Variants in PPP4R3A observed in about 807,000 individuals in gnomAD.
PPP4R3A encodes the protein protein phosphatase 4 regulatory subunit 3A.
Under a neutral mutation model 91.7 loss-of-function variants are expected in PPP4R3A, and 15 were observed. That is an observed-to-expected ratio of 0.16 (90% CI 0.11 to 0.25). The LOEUF is 0.25. Among genes scored for constraint, PPP4R3A ranks in the 10% least tolerant of loss-of-function variants. PPP4R3A has a pLI of 1.00. For synonymous variants in PPP4R3A, 377 were observed against 348.7 expected (o/e 1.08, Z -0.91); for missense variants, 623 against 998.4 (o/e 0.62, Z 5.07).
intron 4 of PPP4R3A, among the ~76,000 whole-genome samples, chr14:91,479,312 GTGT>G (rs1889401778): frequency 6.6e-6 from 1 of 151,640 alleles, no homozygotes. Context: ...GTGTGTGTGT[GTGT>G]GTGTGTGTGT....
chr14:91,498,773 G>T (rs1053682249), intron 1 of PPP4R3A, among the ~76,000 whole-genome samples: 2 of 151,930 alleles, frequency 1.3e-5, no homozygotes, highest in Non-Finnish European at 2.9e-5. Flanking sequence ...AATTAGCCAG[G>T]CGTGGTGGTG....
In PPP4R3A at chr14:91,458,265, A is replaced by G. The variant is rs1313542363; in HGVS notation, c.*494T>C. ...AACTTTATACTCGCCCCTCCCCCAC[A>G]GAGGTTTTCCAAACCTGTTGTAGCT... On this transcript the variant is annotated 3_prime_UTR_variant, in exon 15 of 15. Coordinates refer to ENST00000554943, the MANE Select transcript of PPP4R3A (RefSeq NM_001366432.2). 3 of 159,574 alleles carry G rather than the reference A, an allele frequency of 1.9e-5. No homozygotes were observed. Among genetic ancestry groups the G allele is most frequent in the Non-Finnish European group, 4.1e-5 (3 of 72,538 alleles). 9.9% of individuals were successfully genotyped at this position (159,574 alleles called of 1,614,324 possible). A position where few individuals can be genotyped will look rare whatever the true frequency, so the allele number is the denominator to read the frequency against.
At chr14:91,489,057 G>A (rs1295153802) in intron 2 of PPP4R3A, among the ~76,000 whole-genome samples, 5 of 152,036 alleles carry the variant, frequency 3.3e-5, no homozygotes, top group African/African-American at 1.2e-4. Context: ...GCAGGTACCC[G>A]CCACCACGCC....
At chr14:91,459,004 A>G in intron 14 of PPP4R3A, 135 bp from the exon 15 acceptor site, 1 of 957,880 alleles carries the variant, frequency 1.0e-6, no homozygotes. Flanking sequence ...GGACTGTGTT[A>G]AACTTCAATT....
chr14:91,480,478 C>A (rs1889490622), intron 4 of PPP4R3A, among the ~76,000 whole-genome samples: 1 of 152,204 alleles, frequency 6.6e-6, no homozygotes, highest in African/African-American at 2.4e-5. Context: ...AATTTGCCTC[C>A]TCTGCTACAT....
chr14:91,487,830 C>T (rs777723469), intron 2 of PPP4R3A, among the ~76,000 whole-genome samples: 10 of 152,216 alleles, frequency 6.6e-5, no homozygotes, highest in Non-Finnish European at 1.5e-4. Context: ...GGTCCTTCCA[C>T]CTCAGCCTCC....
At chr14:91,473,397 G>T in intron 7 of PPP4R3A, 27 bp from the exon 8 acceptor site, 1 of 1,599,210 alleles carries the variant, frequency 6.3e-7, no homozygotes, top group Non-Finnish European at 8.5e-7. Flanking sequence ...ACATACTCAG[G>T]ATCACTTATT....
rs1284477170 is a variant in PPP4R3A, at chr14:91,509,683, G to A, written c.-36C>T. 3.2e-6 allele frequency: 5 copies of A among 1,583,850 alleles called. No individual in the cohort carries two copies. The South Asian group carries it at 4.5e-5, about 14-fold the overall frequency. ...GGGAACCGGGGCGGGGGCCCCGCCA[G>A]TAGACGCCCAGGAAAGGGGCCCTGG... On this transcript the variant is annotated 5_prime_UTR_variant, in exon 1 of 15. Coordinates refer to ENST00000554943, the MANE Select transcript of PPP4R3A (RefSeq NM_001366432.2).
rs529051400 is a variant in PPP4R3A, at chr14:91,509,118, C to G, written c.142+388G>C. Among the ~76,000 whole-genome samples the G allele has an allele frequency of 8.9e-4, 136 of 152,346 alleles. 1 individual carries two copies. Among genetic ancestry groups the G allele is most frequent in the South Asian group, 2.9e-3 (14 of 4,830 alleles). ...CTTAGCTCCAAGCAAAGTTTCATGC[C>G]TGCTTTACAGATGGGTGAACTAAGG... On this transcript the variant is annotated intron_variant, in intron 1 of 14. Transcript: ENST00000554943.
intron 14 of PPP4R3A, 42 bp from the exon 15 acceptor site, chr14:91,458,911 CAT>C (rs767033318): frequency 1.2e-5 from 18 of 1,531,532 alleles, no homozygotes; most frequent in Admixed American, 4.3e-5. Context: ...GAAAATAAAA[CAT>C]ATAAAAACAC....
chr14:91,472,896 G>GACT (rs1396100156), intron 9 of PPP4R3A, 137 bp downstream of exon 9: 4 of 722,602 alleles, frequency 5.5e-6, no homozygotes, highest in Non-Finnish European at 7.0e-6. Context: ...AACTTTTAAA[G>GACT]ACTACTACTT....
intron 12 of PPP4R3A, 55 bp downstream of exon 12, chr14:91,462,680 C>T (rs1888233345): frequency 9.4e-6 from 15 of 1,588,232 alleles, no homozygotes; most frequent in Middle Eastern, 1.7e-4. Flanking sequence ...AACAATAAAG[C>T]CACTACCATA....
Position 91,476,940 on chromosome 14 carries a change from T to C in PPP4R3A, c.962A>G (p.Glu321Gly). The change falls in exon 5 of 15, where the codon GAA becomes GGA. Residue 321 changes from glutamate (E) to glycine (G), a missense_variant. Glu to Gly is a moderately conservative substitution (Grantham distance 98). Transcript: ENST00000554943. ...CTGTCTTTTTTCCTCATCTGTTGCT[T>C]CATCTGTTAGTTGTGCAAACAAATC... Reference protein sequence around the residue: ...LTDLFAQLTDEATDEEKRQEL... With the variant: ...LTDLFAQLTDGATDEEKRQEL... 1 of 1,602,346 alleles carries C rather than the reference T, an allele frequency of 6.2e-7. No individual in the cohort carries two copies. Among genetic ancestry groups the C allele is most frequent in the East Asian group, 2.2e-5 (1 of 44,678 alleles).
In PPP4R3A at chr14:91,474,936, G is replaced by C. The variant is rs1341181099; in HGVS notation, c.1266+875C>G. The stretch of plus-strand genomic sequence containing the variant: ...CTATAAAAATAAAAACTTAAACATA[G>C]CAGTTACATGGCATTCCATTTCCTT... On this transcript the variant is annotated intron_variant, in intron 7 of 14. Transcript: ENST00000554943. 3.9e-5 allele frequency: 6 copies of C among 152,244 alleles called. No homozygotes were observed. The South Asian group carries it at 1.2e-3, about 32-fold the overall frequency. 9.4% of individuals were successfully genotyped at this position (152,244 alleles called of 1,614,324 possible). A position where few individuals can be genotyped will look rare whatever the true frequency, so the allele number is the denominator to read the frequency against.
chr14:91,458,946 G>C, intron 14 of PPP4R3A, 77 bp from the exon 15 acceptor site: 1 of 1,463,180 alleles, frequency 6.8e-7, no homozygotes, highest in Admixed American at 2.4e-5. Flanking sequence ...GCTGGAGAAA[G>C]AAAATAGATC....
chr14:91,492,361 C>T (rs1890277266), intron 1 of PPP4R3A, among the ~76,000 whole-genome samples: 1 of 152,184 alleles, frequency 6.6e-6, no homozygotes, highest in South Asian at 2.1e-4. Flanking sequence ...GGTTAGATGG[C>T]TAAGAGTGCT....
chr14:91,471,518 C>G (rs1888829356), intron 9 of PPP4R3A, among the ~76,000 whole-genome samples: 1 of 152,166 alleles, frequency 6.6e-6, no homozygotes, highest in Non-Finnish European at 1.5e-5. Flanking sequence ...AGGCAGCAAG[C>G]CTCTGAAAGG....
chr14:91,500,827 G>C (rs2140158284), intron 1 of PPP4R3A, among the ~76,000 whole-genome samples: 1 of 152,248 alleles, frequency 6.6e-6, no homozygotes, highest in Middle Eastern at 3.4e-3. Flanking sequence ...TTGGAGACCA[G>C]CTCAAGACCA....
intron 1 of PPP4R3A, among the ~76,000 whole-genome samples, chr14:91,499,812 C>T (rs1760980965): frequency 8.8e-6 from 1 of 113,652 alleles, no homozygotes; most frequent in South Asian, 2.9e-4. Flanking sequence ...CAGAGCGAGA[C>T]TCCACCTCAA....
Sources: allele counts gnomAD v4.1 joint callset (sites outside exome capture counted in the v4.1 genomes callset), GRCh38; gene constraint gnomAD v4.1.1; transcripts MANE v1.5; gene names NCBI Gene and HGNC (gene_info 2026-07-23, HGNC 2026-07-21).